Variants in PTPRG observed in about 807,000 individuals in gnomAD.
PTPRG encodes receptor-type tyrosine-protein phosphatase gamma.
PTPRG carries 102 observed loss-of-function variants against 165.3 expected under a neutral mutation model. The ratio of observed to expected loss-of-function variants is 0.62; its 90% CI spans 0.53 to 0.73. The LOEUF (loss-of-function observed/expected upper bound fraction) is 0.73, where lower values mean the gene tolerates loss of function less well. Among genes scored for constraint, PTPRG ranks in the 30% least tolerant of loss-of-function variants. PTPRG has a pLI of 0.00. For missense variants in PTPRG, 1,866 were observed against 1,861.4 expected (o/e 1.00, Z -0.05); for synonymous variants, 675 against 669.5 (o/e 1.01, Z -0.13).
chr3:62,171,374 C>A (rs1705209106), intron 8 of PTPRG, among the ~76,000 whole-genome samples: 1 of 152,110 alleles, frequency 6.6e-6, no homozygotes, highest in African/African-American at 2.4e-5. Context: ...TACACTTTTG[C>A]CAGCAGTTTA....
At chr3:62,283,002 CT>C in intron 28 of PTPRG, 133 bp downstream of exon 28, 1 of 761,266 alleles carries the variant, frequency 1.3e-6, no homozygotes, top group Non-Finnish European at 2.1e-6. Context: ...CATGTTATTT[CT>C]ACTGTGGACA....
intron 4 of PTPRG, among the ~76,000 whole-genome samples, chr3:62,060,977 A>AATTTATCTTGTT (rs1193862021): frequency 9.9e-5 from 15 of 152,136 alleles, no homozygotes; most frequent in African/African-American, 3.6e-4. Context: ...GATGCATCCT[A>AATTTATCTTGTT]ATTTATCTTG....
chr3:61,948,815 T>C (rs931905220), intron 2 of PTPRG, among the ~76,000 whole-genome samples: 1 of 152,168 alleles, frequency 6.6e-6, no homozygotes, highest in Non-Finnish European at 1.5e-5. Context: ...GAGAATGCAG[T>C]CATGATACTG....
intron 1 of PTPRG, among the ~76,000 whole-genome samples, chr3:61,583,524 T>G (rs889228424): frequency 6.6e-6 from 1 of 152,190 alleles, no homozygotes; most frequent in African/African-American, 2.4e-5. Flanking sequence ...TGTACTGCTA[T>G]TATTTTTGCC....
At chr3:61,643,900 C>G (rs1016330729) in intron 1 of PTPRG, among the ~76,000 whole-genome samples, 5 of 152,042 alleles carry the variant, frequency 3.3e-5, no homozygotes, top group Non-Finnish European at 7.4e-5. Context: ...ACTAGGATAC[C>G]CTTTTCATTC....
At chr3:62,152,189 G>T (rs185726237) in intron 6 of PTPRG, among the ~76,000 whole-genome samples, 1 of 151,882 alleles carries the variant, frequency 6.6e-6, no homozygotes, top group African/African-American at 2.4e-5. Flanking sequence ...AACACAGCAA[G>T]ACCTCATGTC....
intron 1 of PTPRG, among the ~76,000 whole-genome samples, chr3:61,733,609 T>G (rs907620790): frequency 6.6e-6 from 1 of 152,228 alleles, no homozygotes; most frequent in African/African-American, 2.4e-5. Flanking sequence ...TTTTAGCAAC[T>G]AAAGCAGAGC....
chr3:62,216,757 T>G (rs1668291110), intron 12 of PTPRG, among the ~76,000 whole-genome samples: 1 of 152,160 alleles, frequency 6.6e-6, no homozygotes, highest in African/African-American at 2.4e-5. Context: ...TAAATTCAGT[T>G]TCTTTATTTC....
intron 1 of PTPRG, among the ~76,000 whole-genome samples, chr3:61,605,604 C>G (rs115153023): frequency 6.6e-6 from 1 of 151,834 alleles, no homozygotes; most frequent in African/African-American, 2.4e-5. Flanking sequence ...AGTCTTGCTC[C>G]GTCACCTAGA....
chr3:61,973,854 A>AAATG (rs1196894665), intron 2 of PTPRG, among the ~76,000 whole-genome samples: 1 of 151,962 alleles, frequency 6.6e-6, no homozygotes, highest in African/African-American at 2.4e-5. Flanking sequence ...ATAAATAAAT[A>AAATG]AATAAAAGAT....
intron 1 of PTPRG, among the ~76,000 whole-genome samples, chr3:61,717,317 A>G (rs1448783861): frequency 6.6e-6 from 1 of 152,154 alleles, no homozygotes; most frequent in Non-Finnish European, 1.5e-5. Context: ...ACATATTGTT[A>G]TTATTCCCAT....
At chr3:61,659,442 T>C (rs1702600082) in intron 1 of PTPRG, 4 of 985,150 alleles carry the variant, frequency 4.1e-6, no homozygotes, top group Non-Finnish European at 4.8e-6. Context: ...GAAAAAGCCT[T>C]TGCAGGTTTG....
At chr3:62,138,714 C>CAAAAAAAA (rs563632840) in intron 6 of PTPRG, among the ~76,000 whole-genome samples, 28 of 91,296 alleles carry the variant, frequency 3.1e-4, no homozygotes, top group East Asian at 7.1e-4. Context: ...GGCAAAGCTC[C>CAAAAAAAA]AAAAAAAAAA....
intron 23 of PTPRG, among the ~76,000 whole-genome samples, chr3:62,274,707 G>A (rs1045441794): frequency 1.3e-5 from 2 of 152,020 alleles, no homozygotes; most frequent in Non-Finnish European, 2.9e-5. Context: ...TATACCAAGT[G>A]ATATGAAATG....
At chr3:62,211,971 AT>A (rs1046256975) in intron 12 of PTPRG, among the ~76,000 whole-genome samples, 1 of 149,006 alleles carries the variant, frequency 6.7e-6, no homozygotes, top group African/African-American at 2.5e-5. Context: ...TTTTTTTTTA[AT>A]TTTTTTTTAA....
At chr3:61,789,328 T>C (rs1366933677) in intron 2 of PTPRG, among the ~76,000 whole-genome samples, 2 of 152,266 alleles carry the variant, frequency 1.3e-5, no homozygotes, top group East Asian at 3.9e-4. Flanking sequence ...TCTCAGACTC[T>C]TGGTCCTGAT....
At chr3:62,144,852 A>G (rs1233023097) in intron 6 of PTPRG, among the ~76,000 whole-genome samples, 1 of 152,174 alleles carries the variant, frequency 6.6e-6, no homozygotes, top group Admixed American at 6.5e-5. Flanking sequence ...AAGACGTAAA[A>G]AGACTTCAAA....
chr3:61,749,346 A>G, intron 2 of PTPRG: 3 of 363,390 alleles, frequency 8.3e-6, no homozygotes, highest in Non-Finnish European at 1.6e-5. Flanking sequence ...GAGCTGCTAA[A>G]TGTCTGCTAA....
intron 2 of PTPRG, among the ~76,000 whole-genome samples, chr3:61,778,014 C>T (rs2034435662): frequency 6.6e-6 from 1 of 152,096 alleles, no homozygotes; most frequent in Admixed American, 6.6e-5. Flanking sequence ...TTCATTCATT[C>T]ATGTAACAGG....
Sources: gnomAD v4.1 joint callset for allele counts (sites outside exome capture counted in the v4.1 genomes callset) on GRCh38, gnomAD v4.1.1 for gene constraint, MANE v1.5 for transcripts, NCBI Gene and HGNC (gene_info 2026-07-23, HGNC 2026-07-21) for gene names.